TNFRSF19: variants seen among roughly 807,000 people sequenced by gnomAD.
TNFRSF19 encodes tumor necrosis factor receptor superfamily member 19.
Under a neutral mutation model 46.4 loss-of-function variants are expected in TNFRSF19, and 27 were observed. The observed-to-expected ratio is 0.58, with a 90% CI of 0.43 to 0.80. The LOEUF (loss-of-function observed/expected upper bound fraction) is 0.80. Ranked by LOEUF, TNFRSF19 falls within the 30% of genes least tolerant of loss-of-function variation. The pLI, the probability that TNFRSF19 is intolerant of heterozygous loss-of-function variation, is 0.00. For missense variants in TNFRSF19, 511 were observed against 530.8 expected, an observed-to-expected ratio of 0.96 and a Z score of 0.37; for synonymous variants, 204 against 205.0, an observed-to-expected ratio of 1.00 and a Z score of 0.04.
At chr13:23,585,128 C>T (rs749784857) in intron 1 of TNFRSF19, among the ~76,000 whole-genome samples, 9 of 152,164 alleles carry the variant, frequency 5.9e-5, no homozygotes, top group Admixed American at 1.3e-4. Flanking sequence ...TGAATATCAA[C>T]ATTTTAAAAA....
In TNFRSF19 at chr13:23,570,625, C is replaced by G. The variant is rs1877582083; in HGVS notation, c.-258C>G. ...GCTGAAAGTGAACTTTCTTTGATAT[C>G]CATGCATATATATAAACTCAGCCCT... On this transcript the variant is annotated 5_prime_UTR_variant, in exon 1 of 10. In the 5' UTR this introduces an upstream ATG that the reference lacks. Coordinates refer to ENST00000248484, the MANE Select transcript of TNFRSF19 (RefSeq NM_148957.4). 6.6e-6 allele frequency: 1 copy of G among 152,106 alleles called. No homozygotes were observed. Among genetic ancestry groups the G allele is most frequent in the Non-Finnish European group, 1.5e-5 (1 of 68,052 alleles). The allele number at this position is 152,106 out of a possible 1,614,324, so 9.4% of individuals were successfully genotyped here.
Position 23,659,420 on chromosome 13 carries a change from A to T in TNFRSF19, c.610+206A>T, listed in dbSNP as rs1370964268. Among the ~76,000 whole-genome samples, 1 of 152,218 alleles carries T rather than the reference A, an allele frequency of 6.6e-6. No homozygotes were observed. Among genetic ancestry groups the T allele is most frequent in the African/African-American group, 2.4e-5 (1 of 41,456 alleles). Reference sequence around the variant, plus strand: ...TCCACACGTCAGTGTTGACTCCCCAAAAACTTAACTACTAATAGCCTATTG... The same window carrying T: ...TCCACACGTCAGTGTTGACTCCCCATAAACTTAACTACTAATAGCCTATTG... On this transcript the variant is annotated intron_variant, in intron 6 of 9. Transcript: ENST00000248484. The surrounding 1 kb of genome is among the most constrained non-coding windows in gnomAD (Gnocchi z 4.9).
intron 5 of TNFRSF19, among the ~76,000 whole-genome samples, chr13:23,644,892 A>C (rs2138347388): frequency 6.6e-6 from 1 of 152,316 alleles, no homozygotes; most frequent in East Asian, 1.9e-4. Context: ...CCTTAGGAAA[A>C]GGATGCAAAT....
chr13:23,643,459 A>G (rs1013654366), intron 5 of TNFRSF19, among the ~76,000 whole-genome samples: 3 of 152,242 alleles, frequency 2.0e-5, no homozygotes, highest in Non-Finnish European at 2.9e-5. Context: ...AAAAGAGAGT[A>G]ATGTTTATTA....
intron 5 of TNFRSF19, among the ~76,000 whole-genome samples, chr13:23,641,413 A>T (rs894027090): frequency 1.3e-5 from 2 of 152,130 alleles, no homozygotes; most frequent in African/African-American, 4.8e-5. Flanking sequence ...GCTCACTATA[A>T]CCTCTGCCTC....
In TNFRSF19 at chr13:23,616,044, G is replaced by C; in HGVS notation, c.358G>C (p.Gly120Arg). 1 of 1,587,174 alleles carries C rather than the reference G, an allele frequency of 6.3e-7. No individual in the cohort carries two copies. Among genetic ancestry groups the C allele is most frequent in the Non-Finnish European group, 8.6e-7 (1 of 1,163,802 alleles). ...SDAICGDCLP[G>R]FYRKTKLVGF... ...TGCCATCTGCGGGGACTGCTTGCCA[G>C]GGTGAGTTGGCCAGTTTCTTTCACT... The change falls in exon 4 of 10, where the codon GGA becomes CGA. Residue 120 changes from glycine (G) to arginine (R), a missense_variant and splice_region_variant. Transcript: ENST00000248484.
intron 5 of TNFRSF19, among the ~76,000 whole-genome samples, chr13:23,644,027 CAG>C (rs1207790778): frequency 6.6e-6 from 1 of 152,210 alleles, no homozygotes; most frequent in Admixed American, 6.5e-5. Context: ...AATATTAAAA[CAG>C]AGACAGCTTG....
intron 1 of TNFRSF19, among the ~76,000 whole-genome samples, chr13:23,587,812 G>T (rs1361544008): frequency 6.6e-6 from 1 of 152,180 alleles, no homozygotes; most frequent in Non-Finnish European, 1.5e-5. Flanking sequence ...GTAGAAAGGA[G>T]AAAAAGCTAT....
intron 5 of TNFRSF19, among the ~76,000 whole-genome samples, chr13:23,629,910 C>T (rs1162391876): frequency 3.3e-5 from 5 of 152,150 alleles, no homozygotes. Flanking sequence ...TCTCATGGTG[C>T]ATCTGGCTCT....
At chr13:23,650,978 C>G (rs957708460) in intron 5 of TNFRSF19, among the ~76,000 whole-genome samples, 1 of 152,130 alleles carries the variant, frequency 6.6e-6, no homozygotes, top group African/African-American at 2.4e-5. Flanking sequence ...TTGGCAGACT[C>G]TATAGTGGTA....
chr13:23,658,525 G>C (rs1016652496), intron 5 of TNFRSF19, among the ~76,000 whole-genome samples: 3 of 152,166 alleles, frequency 2.0e-5, no homozygotes, highest in Non-Finnish European at 4.4e-5. Flanking sequence ...TAGTTTAACA[G>C]CTAAGGCATT....
chr13:23,588,797 A>G (rs1261048754), intron 1 of TNFRSF19, among the ~76,000 whole-genome samples: 5 of 152,226 alleles, frequency 3.3e-5, no homozygotes, highest in Non-Finnish European at 7.3e-5. Flanking sequence ...GCCAGCAGGA[A>G]AAAAAGTTAT....
chr13:23,644,257 T>C (rs768665804), intron 5 of TNFRSF19, among the ~76,000 whole-genome samples: 1 of 152,238 alleles, frequency 6.6e-6, no homozygotes, highest in Non-Finnish European at 1.5e-5. Flanking sequence ...GGCTATGTCC[T>C]CACCCAAATC....
intron 1 of TNFRSF19, among the ~76,000 whole-genome samples, chr13:23,577,267 C>T (rs78841617): frequency 0.063 from 9,566 of 152,218 alleles, 410 homozygotes; most frequent in Middle Eastern, 0.14. Flanking sequence ...AGTCAAAACA[C>T]GTAAAATGAT....
chr13:23,614,284 G>T (rs1593256466), intron 3 of TNFRSF19, among the ~76,000 whole-genome samples: 2 of 152,314 alleles, frequency 1.3e-5, no homozygotes, highest in East Asian at 3.9e-4. Context: ...AAATGTGAAT[G>T]AGTTAATTAG....
rs1000212706 is a variant in TNFRSF19, at chr13:23,606,041, G to T, written c.181-9826G>T. Among the ~76,000 whole-genome samples the T allele has an allele frequency of 2.0e-5, 3 of 152,178 alleles. No homozygotes were observed. The East Asian group carries it at 5.8e-4, about 29-fold the overall frequency. ...ATAAGAATGAGCCTTTGTGTGTGGC[G>T]GGGGAGGGCGGGGCATGTAAGGACT... On this transcript the variant is annotated intron_variant, in intron 3 of 9. Transcript: ENST00000248484.
At chr13:23,633,697 A>G (rs1882495747) in intron 5 of TNFRSF19, among the ~76,000 whole-genome samples, 1 of 152,068 alleles carries the variant, frequency 6.6e-6, no homozygotes, top group African/African-American at 2.4e-5. Context: ...AAAAATACAA[A>G]AATTAGCTGC....
chr13:23,572,698 T>C (rs566837196), intron 1 of TNFRSF19, among the ~76,000 whole-genome samples: 111 of 152,306 alleles, frequency 7.3e-4, no homozygotes, highest in African/African-American at 2.6e-3. Flanking sequence ...TCTAGTGTCA[T>C]TGTTGAGAAA....
chr13:23,599,319 T>A (rs1033155709), intron 3 of TNFRSF19, among the ~76,000 whole-genome samples: 1 of 152,212 alleles, frequency 6.6e-6, no homozygotes, highest in Non-Finnish European at 1.5e-5. Flanking sequence ...AGACTGCTGA[T>A]GGAAAGAGTG....
Sources: allele counts gnomAD v4.1 joint callset (sites outside exome capture counted in the v4.1 genomes callset), GRCh38; gene constraint gnomAD v4.1.1; non-coding constraint Gnocchi (gnomAD v3.1); transcripts MANE v1.5; gene names NCBI Gene and HGNC (gene_info 2026-07-23, HGNC 2026-07-21).